BBX: variants seen among roughly 807,000 people sequenced by gnomAD.
BBX encodes the protein HMG box transcription factor BBX.
In BBX, 30 loss-of-function variants were observed where a neutral mutation model predicts 100.2. The observed-to-expected ratio is 0.30, with a 90% CI of 0.22 to 0.41. The LOEUF (loss-of-function observed/expected upper bound fraction) is 0.41. BBX is among the 10% of genes least tolerant of loss of function. BBX has a pLI of 1.00. For missense variants in BBX, 1,023 were observed against 1,129.8 expected (o/e 0.91, Z 1.35); for synonymous variants, 376 against 388.1 (o/e 0.97, Z 0.37).
chr3:107,803,060 A>G (rs1473702759), intron 17 of BBX, among the ~76,000 whole-genome samples: 8 of 152,202 alleles, frequency 5.3e-5, no homozygotes, highest in Admixed American at 3.9e-4. Flanking sequence ...TTTATTCTCT[A>G]TGTTACCAGC....
chr3:107,624,695 A>G (rs1348243807), intron 2 of BBX, among the ~76,000 whole-genome samples: 5 of 151,908 alleles, frequency 3.3e-5, no homozygotes, highest in Non-Finnish European at 7.4e-5. Context: ...ATGATGAAAC[A>G]CCGTCTCTAC....
chr3:107,798,740 G>C lies in BBX; in HGVS notation c.2551+20G>C, dbSNP rs1442176149. On this transcript the variant is annotated intron_variant, in intron 16 of 17. Transcript: ENST00000325805. ...CTTTGGGTAAGAAGAGAGAGCTTTA[G>C]ACCAGAGGTGTCCAATCTTTTAGCT... is the stretch of plus-strand genomic sequence containing the variant. 2.5e-6 allele frequency: 4 copies of C among 1,606,960 alleles called. No individual in the cohort carries two copies. The South Asian group carries it at 4.4e-5, about 18-fold the overall frequency.
intron 4 of BBX, among the ~76,000 whole-genome samples, chr3:107,712,804 C>T (rs975730405): frequency 1.3e-5 from 2 of 152,214 alleles, no homozygotes; most frequent in African/African-American, 4.8e-5. Context: ...GCTCACTGCT[C>T]TCTGTGCTCA....
At chr3:107,583,583 TTTATC>T (rs1331790867) in intron 2 of BBX, among the ~76,000 whole-genome samples, 1 of 151,814 alleles carries the variant, frequency 6.6e-6, no homozygotes, top group Non-Finnish European at 1.5e-5. Flanking sequence ...ACCTTGAACA[TTTATC>T]TTTTCTTCTC....
At chr3:107,569,407 T>G (rs1019816455) in intron 2 of BBX, among the ~76,000 whole-genome samples, 10 of 152,130 alleles carry the variant, frequency 6.6e-5, no homozygotes, top group African/African-American at 2.2e-4. Context: ...AATTTTTTTT[T>G]ATTTTTATGA....
At chr3:107,533,830 T>C (rs1053291225) in intron 2 of BBX, among the ~76,000 whole-genome samples, 1 of 152,216 alleles carries the variant, frequency 6.6e-6, no homozygotes, top group Non-Finnish European at 1.5e-5. Flanking sequence ...ACATTTTTTT[T>C]TCCATCTATC....
chr3:107,604,062 T>C (rs1194579807), intron 2 of BBX, among the ~76,000 whole-genome samples: 1 of 152,148 alleles, frequency 6.6e-6, no homozygotes, highest in Non-Finnish European at 1.5e-5. Flanking sequence ...AGCTGCGTAT[T>C]GGAACCCCCA....
intron 2 of BBX, among the ~76,000 whole-genome samples, chr3:107,616,435 T>A (rs1355188821): frequency 2.0e-5 from 3 of 149,554 alleles, no homozygotes; most frequent in African/African-American, 7.7e-5. Flanking sequence ...AGTTTTTGTT[T>A]TTGTTTTTGT....
intron 14 of BBX, among the ~76,000 whole-genome samples, chr3:107,790,417 T>G (rs2068889528): frequency 1.3e-5 from 2 of 152,106 alleles, no homozygotes; most frequent in Admixed American, 1.3e-4. Flanking sequence ...CCGACCTCTT[T>G]CAGTCACATG....
At chr3:107,731,679 CT>C (rs369828481) in intron 6 of BBX, among the ~76,000 whole-genome samples, 72 of 151,654 alleles carry the variant, frequency 4.7e-4, no homozygotes, top group African/African-American at 1.6e-3. Flanking sequence ...ACCCCTGCCC[CT>C]TTTTTTTACT....
chr3:107,642,626 C>T (rs955409343), intron 2 of BBX, among the ~76,000 whole-genome samples: 1 of 152,118 alleles, frequency 6.6e-6, no homozygotes. Flanking sequence ...TAAAAATTTG[C>T]TTTTTCATTC....
At chr3:107,645,644 A>G (rs951747663) in intron 2 of BBX, among the ~76,000 whole-genome samples, 192 bp from the exon 3 acceptor site, 3 of 152,198 alleles carry the variant, frequency 2.0e-5, no homozygotes, top group Non-Finnish European at 4.4e-5. Context: ...TTTTGTTAAA[A>G]TTGAAAATAA....
At chr3:107,673,419 A>C (rs762959242) in intron 3 of BBX, among the ~76,000 whole-genome samples, 1 of 152,040 alleles carries the variant, frequency 6.6e-6, no homozygotes, top group Non-Finnish European at 1.5e-5. Context: ...ATCTGTTTTT[A>C]ATAAAGCTTT....
chr3:107,719,258 T>G (rs1460585022), intron 5 of BBX, among the ~76,000 whole-genome samples: 1 of 152,036 alleles, frequency 6.6e-6, no homozygotes, highest in Non-Finnish European at 1.5e-5. Flanking sequence ...TCCATTAGGG[T>G]GCAAGACAGA....
chr3:107,542,684 G>GTAC (rs1307141560), intron 2 of BBX, among the ~76,000 whole-genome samples: 3 of 152,098 alleles, frequency 2.0e-5, no homozygotes, highest in Admixed American at 6.6e-5. Context: ...TTTGAATGAG[G>GTAC]TACTGAGTTT....
At chr3:107,559,791 G>T (rs2050345760) in intron 2 of BBX, among the ~76,000 whole-genome samples, 1 of 152,174 alleles carries the variant, frequency 6.6e-6, no homozygotes, top group Non-Finnish European at 1.5e-5. Flanking sequence ...CACCCTGGCT[G>T]GAGTGAAGTG....
intron 2 of BBX, among the ~76,000 whole-genome samples, chr3:107,568,584 C>T (rs1199125710): frequency 1.3e-5 from 2 of 152,050 alleles, no homozygotes; most frequent in Non-Finnish European, 2.9e-5. Flanking sequence ...CTTATGTTGC[C>T]TCTTCTCCAA....
chr3:107,780,984 A>T (rs1372371250), intron 13 of BBX, among the ~76,000 whole-genome samples: 1 of 151,936 alleles, frequency 6.6e-6, no homozygotes, highest in African/African-American at 2.4e-5. Flanking sequence ...CCATTTGTCT[A>T]TATTTTATTT....
chr3:107,792,041 A>G (rs1478018147), intron 15 of BBX, among the ~76,000 whole-genome samples: 2 of 152,134 alleles, frequency 1.3e-5, no homozygotes, highest in African/African-American at 4.8e-5. Context: ...AAAATCCAAT[A>G]TTAACTAGTC....
Sources: gnomAD v4.1 joint callset for allele counts (sites outside exome capture counted in the v4.1 genomes callset) on GRCh38, gnomAD v4.1.1 for gene constraint, MANE v1.5 for transcripts, NCBI Gene and HGNC (gene_info 2026-07-23, HGNC 2026-07-21) for gene names.